ZNF169: variants seen among roughly 807,000 people sequenced by gnomAD.
The protein encoded by ZNF169 is zinc finger protein 169.
Under a neutral mutation model 12.0 loss-of-function variants are expected in ZNF169, and 11 were observed. The ratio of observed to expected loss-of-function variants is 0.92; its 90% CI spans 0.58 to 1.52. The LOEUF (loss-of-function observed/expected upper bound fraction) is 1.52. ZNF169 is among the 40% of genes most tolerant of loss of function. The pLI, the probability that ZNF169 is intolerant of heterozygous loss-of-function variation, is 0.00. For synonymous variants in ZNF169, 302 were observed against 286.5 expected (o/e 1.05, Z -0.55); for missense variants, 722 against 744.0 (o/e 0.97, Z 0.34).
intron 4 of ZNF169, chr9:94,293,397 C>T: frequency 6.7e-6 from 4 of 598,950 alleles, no homozygotes; most frequent in Non-Finnish European, 1.2e-5. Context: ...AGACTAAGTC[C>T]CTGCCCCTGG....
intron 2 of ZNF169, among the ~76,000 whole-genome samples, chr9:94,289,721 C>T (rs1015062942): frequency 1.1e-4 from 17 of 151,946 alleles, no homozygotes; most frequent in African/African-American, 4.1e-4. Context: ...ATTCGGGAGG[C>T]AGAGAATGCA....
chr9:94,296,005 T>C (rs192743133), intron 4 of ZNF169, among the ~76,000 whole-genome samples: 4 of 152,314 alleles, frequency 2.6e-5, no homozygotes, highest in Middle Eastern at 3.4e-3. Context: ...CCCACAGCAG[T>C]GTATGAGAGC....
intron 2 of ZNF169, chr9:94,287,951 C>A (rs768718310): frequency 6.0e-6 from 5 of 831,832 alleles, no homozygotes; most frequent in Non-Finnish European, 1.1e-5. Context: ...TCTCCAACTT[C>A]TTGTTCACCT....
chr9:94,287,697 A>G, intron 2 of ZNF169: 1 of 1,159,252 alleles, frequency 8.6e-7, no homozygotes, highest in Non-Finnish European at 1.3e-6. Flanking sequence ...TACGGTGTTC[A>G]TTTATGCTTG....
chr9:94,275,779 ACTAT>A (rs1282253572), intron 1 of ZNF169, among the ~76,000 whole-genome samples: 3 of 146,952 alleles, frequency 2.0e-5, no homozygotes, highest in Admixed American at 6.8e-5. Flanking sequence ...TAGGCTCTGC[ACTAT>A]CTGTTTTTTT....
At position 94,288,165 on chromosome 9, in the gene ZNF169, A is replaced by G. The variant is rs568290906; in HGVS notation, c.34-4176A>G. 1.1e-5 allele frequency: 9 copies of G among 813,882 alleles called. No homozygotes were observed. The African/African-American group carries it at 1.3e-4, about 12-fold the overall frequency. 50.4% of individuals were successfully genotyped at this position (813,882 alleles called of 1,614,324 possible). ...TGAGGGCCCAGCAATGTCAAAATCC[A>G]TGTCTCAGCCCAGGTTAATGTGCTC... On this transcript the variant is annotated intron_variant, in intron 2 of 4. Coordinates refer to ENST00000395395, the MANE Select transcript of ZNF169 (RefSeq NM_194320.4).
chr9:94,280,711 T>C (rs996018036), intron 2 of ZNF169, among the ~76,000 whole-genome samples: 1 of 152,200 alleles, frequency 6.6e-6, no homozygotes, highest in African/African-American at 2.4e-5. Context: ...TGCTGTGTCA[T>C]TCCCCTGTTG....
chr9:94,286,779 C>T (rs2093332338), intron 2 of ZNF169, among the ~76,000 whole-genome samples: 1 of 152,152 alleles, frequency 6.6e-6, no homozygotes, highest in African/African-American at 2.4e-5. Flanking sequence ...TTCATACTCT[C>T]GTGCAAGGGC....
At chr9:94,289,653 G>A (rs140635124) in intron 2 of ZNF169, among the ~76,000 whole-genome samples, 2 of 152,122 alleles carry the variant, frequency 1.3e-5, no homozygotes, top group African/African-American at 4.8e-5. Context: ...AGCTGGGCTT[G>A]GTGGCAGGAG....
intron 2 of ZNF169, among the ~76,000 whole-genome samples, chr9:94,281,498 A>G (rs1830630454): frequency 6.6e-6 from 1 of 152,200 alleles, no homozygotes; most frequent in African/African-American, 2.4e-5. Context: ...TAGAAAGTTT[A>G]TTTTGCCAAG....
At chr9:94,298,605 T>G (rs1830996296) in intron 4 of ZNF169, among the ~76,000 whole-genome samples, 2 of 151,376 alleles carry the variant, frequency 1.3e-5, no homozygotes, top group African/African-American at 4.9e-5. Flanking sequence ...GGCATGGTGG[T>G]GCACGCCTGT....
intron 4 of ZNF169, 143 bp from the exon 5 acceptor site, chr9:94,299,672 T>C: frequency 7.0e-7 from 1 of 1,437,648 alleles, no homozygotes; most frequent in Non-Finnish European, 9.1e-7. Context: ...GTGTGGGTTT[T>C]CTGTGCTGCA....
chr9:94,292,861 C>A, intron 3 of ZNF169, 113 bp from the exon 4 acceptor site: 1 of 858,732 alleles, frequency 1.2e-6, no homozygotes, highest in Non-Finnish European at 1.9e-6. Context: ...TCCACCCCTG[C>A]ACCTCCCTAC....
intron 1 of ZNF169, among the ~76,000 whole-genome samples, chr9:94,266,490 A>G (rs748491918): frequency 1.3e-5 from 2 of 152,224 alleles, no homozygotes; most frequent in Non-Finnish European, 2.9e-5. Context: ...CTGCTGAAAC[A>G]TAGTAGTGTG....
chr9:94,266,752 A>C (rs537187406), intron 1 of ZNF169, among the ~76,000 whole-genome samples: 1 of 152,358 alleles, frequency 6.6e-6, no homozygotes, highest in East Asian at 1.9e-4. Context: ...TGAAACTAGA[A>C]TTTAACAACA....
At position 94,278,831 on chromosome 9, in the gene ZNF169, A is replaced by G. The variant is rs765570603; in HGVS notation, c.19A>G (p.Thr7Ala). 3 of 1,614,068 alleles carry G rather than the reference A, an allele frequency of 1.9e-6. No homozygotes were observed. The South Asian group carries it at 3.3e-5, about 18-fold the overall frequency. ...CAGGGATATGTCACCAGGACTCCTG[A>G]CAACCAGGAAGGAGGTAAGTCCTGA... is the stretch of plus-strand genomic sequence containing the variant. MSPGLLTTRKEALMAFR... is the reference protein window; with the variant it reads MSPGLLATRKEALMAFR... The change falls in exon 2 of 5, where the codon ACA becomes GCA. Residue 7 changes from threonine (T) to alanine (A), a missense_variant. Physicochemically the swap from Thr to Ala is moderately conservative, Grantham distance 58. Transcript: ENST00000395395.
At chr9:94,272,959 G>T (rs1367942483) in intron 1 of ZNF169, among the ~76,000 whole-genome samples, 3 of 151,998 alleles carry the variant, frequency 2.0e-5, no homozygotes, top group African/African-American at 7.2e-5. Flanking sequence ...GTTTTCATTT[G>T]CATTTCCCTG....
intron 1 of ZNF169, among the ~76,000 whole-genome samples, chr9:94,274,276 A>G (rs1277896531): frequency 6.6e-6 from 1 of 152,176 alleles, no homozygotes; most frequent in Non-Finnish European, 1.5e-5. Context: ...ATGTCAACAT[A>G]CGAATATGGG....
chr9:94,266,634 G>C (rs944465949), intron 1 of ZNF169, among the ~76,000 whole-genome samples: 12 of 151,996 alleles, frequency 7.9e-5, no homozygotes, highest in Non-Finnish European at 1.5e-4. Context: ...TAGGGAAAAA[G>C]GAAAAGAAGG....
Sources: allele counts gnomAD v4.1 joint callset (sites outside exome capture counted in the v4.1 genomes callset), GRCh38; gene constraint gnomAD v4.1.1; transcripts MANE v1.5; gene names NCBI Gene and HGNC (gene_info 2026-07-23, HGNC 2026-07-21).